GPBP1L1: variants seen among roughly 807,000 people sequenced by gnomAD.
GPBP1L1 encodes GC-rich promoter binding protein 1 like 1.
Under a neutral mutation model 52.5 loss-of-function variants are expected in GPBP1L1, and 23 were observed. That is an observed-to-expected ratio of 0.44 (90% CI 0.32 to 0.62). The LOEUF is 0.62. GPBP1L1 is among the 20% of genes least tolerant of loss of function. The probability of loss-of-function intolerance (pLI) is 0.06; values close to 1 mark genes in which losing one functional copy is unlikely to be tolerated. For missense variants in GPBP1L1, 596 were observed against 579.3 expected, an observed-to-expected ratio of 1.03 and a Z score of -0.30; for synonymous variants, 243 against 203.1, an observed-to-expected ratio of 1.20 and a Z score of -1.67.
At chr1:45,633,354 A>C (rs1451791851) in intron 10 of GPBP1L1, 135 bp downstream of exon 10, 1 of 830,712 alleles carries the variant, frequency 1.2e-6, no homozygotes. Context: ...GTGGTCTAGA[A>C]GGCAGTTACA....
chr1:45,629,207 C>G (rs1433665363), intron 12 of GPBP1L1, among the ~76,000 whole-genome samples: 1 of 152,128 alleles, frequency 6.6e-6, no homozygotes, highest in Non-Finnish European at 1.5e-5. Context: ...GGCCAGAGGA[C>G]CAGGAAACTA....
chr1:45,643,926 CA>C lies in GPBP1L1; in HGVS notation c.478-1428del, dbSNP rs537482869. 3.3e-3 allele frequency among the ~76,000 whole-genome samples: 495 copies of C among 152,190 alleles called. 1 individual carries two copies. The highest frequency in any genetic ancestry group is 0.011 in the African/African-American group (455 of 41,530). ...AAGTGATCCACTCACCTTGGCCTCC[CA>C]AAGTGCTGAGATTACAGGCATGAGC... On this transcript the variant is annotated intron_variant, in intron 6 of 12. Transcript: ENST00000355105.
intron 7 of GPBP1L1, among the ~76,000 whole-genome samples, chr1:45,640,808 G>A (rs1053386312): frequency 5.9e-5 from 9 of 152,058 alleles, no homozygotes; most frequent in African/African-American, 1.7e-4. Flanking sequence ...CCAAGAGTTC[G>A]AGACCAGCCT....
At chr1:45,659,284 T>C (rs950265482) in intron 3 of GPBP1L1, 142 bp from the exon 4 acceptor site, 8 of 561,470 alleles carry the variant, frequency 1.4e-5, no homozygotes, top group African/African-American at 1.3e-4. Flanking sequence ...CCAAGCCTTA[T>C]AACTCAGAGA....
At chr1:45,671,811 C>A (rs1269148302) in intron 2 of GPBP1L1, among the ~76,000 whole-genome samples, 2 of 151,358 alleles carry the variant, frequency 1.3e-5, no homozygotes, top group African/African-American at 4.9e-5. Context: ...GGTGACAGAG[C>A]GAGACTCTGT....
chr1:45,678,099 T>C (rs76183439), intron 2 of GPBP1L1, among the ~76,000 whole-genome samples: 2,644 of 152,174 alleles, frequency 0.017, 70 homozygotes, highest in African/African-American at 0.06. Context: ...ACATCCAGAA[T>C]AGGCAAATCC....
chr1:45,630,885 C>T (rs1302992729), intron 10 of GPBP1L1: 7 of 379,582 alleles, frequency 1.8e-5, no homozygotes, highest in Non-Finnish European at 3.0e-5. Flanking sequence ...ACCACAAAAG[C>T]TGGAGTAATT....
chr1:45,630,788 T>C (rs1644520627), intron 10 of GPBP1L1, 182 bp from the exon 11 acceptor site: 1 of 609,464 alleles, frequency 1.6e-6, no homozygotes, highest in Non-Finnish European at 2.8e-6. Flanking sequence ...ATTCTAAAGT[T>C]TTAATGAAAA....
At chr1:45,633,690 C>T in intron 9 of GPBP1L1, 43 bp from the exon 10 acceptor site, 1 of 1,599,160 alleles carries the variant, frequency 6.3e-7, no homozygotes, top group Non-Finnish European at 8.5e-7. Flanking sequence ...CAGCAAAGAG[C>T]AAGAACTGGG....
chr1:45,681,553 C>T (rs933658706), intron 2 of GPBP1L1, among the ~76,000 whole-genome samples: 11 of 152,180 alleles, frequency 7.2e-5, no homozygotes, highest in Non-Finnish European at 1.3e-4. Context: ...AAACACCCCT[C>T]CGTGTGCAAC....
At chr1:45,674,932 G>C (rs934449645) in intron 2 of GPBP1L1, among the ~76,000 whole-genome samples, 17 of 152,120 alleles carry the variant, frequency 1.1e-4, no homozygotes, top group African/African-American at 4.1e-4. Context: ...CCTTTCTCTT[G>C]TCAATGTAAT....
At chr1:45,631,923 A>C (rs988491306) in intron 10 of GPBP1L1, among the ~76,000 whole-genome samples, 5 of 152,138 alleles carry the variant, frequency 3.3e-5, no homozygotes, top group Non-Finnish European at 5.9e-5. Flanking sequence ...ACACTGTCTC[A>C]AAAACAAATA....
intron 6 of GPBP1L1, chr1:45,645,744 G>A: frequency 2.8e-6 from 1 of 350,944 alleles, no homozygotes; most frequent in African/African-American, 2.2e-5. Context: ...GAAAAGTCTT[G>A]GGAACGATAT....
At chr1:45,643,512 G>A (rs1387150849) in intron 6 of GPBP1L1, among the ~76,000 whole-genome samples, 1 of 152,050 alleles carries the variant, frequency 6.6e-6, no homozygotes, top group Non-Finnish European at 1.5e-5. Context: ...TAGTCCGGGA[G>A]GGTAATAAAG....
At chr1:45,629,727 T>A (rs1644505861) in intron 11 of GPBP1L1, 49 bp from the exon 12 acceptor site, 1 of 1,180,530 alleles carries the variant, frequency 8.5e-7, no homozygotes, top group Non-Finnish European at 1.3e-6. Flanking sequence ...TCACTAAGCC[T>A]AAGTGAACAG....
At chr1:45,645,601 T>C (rs941857963) in intron 6 of GPBP1L1, among the ~76,000 whole-genome samples, 8 of 152,200 alleles carry the variant, frequency 5.3e-5, no homozygotes, top group African/African-American at 1.9e-4. Flanking sequence ...CATATAACTA[T>C]CACATGCTAA....
intron 2 of GPBP1L1, among the ~76,000 whole-genome samples, chr1:45,679,577 T>C (rs1476141599): frequency 2.0e-5 from 3 of 151,918 alleles, no homozygotes; most frequent in Admixed American, 1.3e-4. Flanking sequence ...CCAATAAGAT[T>C]CACAAAAAAG....
chr1:45,642,631 C>T (rs1557700168), intron 6 of GPBP1L1, 132 bp from the exon 7 acceptor site: 10 of 672,164 alleles, frequency 1.5e-5, no homozygotes, highest in Non-Finnish European at 2.7e-5. Context: ...ACTAATTTGA[C>T]ACTGTATTCA....
chr1:45,629,553 T>C (rs747533755), intron 12 of GPBP1L1, 23 bp downstream of exon 12: 5 of 1,406,146 alleles, frequency 3.6e-6, no homozygotes, highest in Non-Finnish European at 5.0e-6. Context: ...AACTGGTCTC[T>C]AGGAAGAAGG....
Sources: allele counts gnomAD v4.1 joint callset (sites outside exome capture counted in the v4.1 genomes callset), GRCh38; gene constraint gnomAD v4.1.1; transcripts MANE v1.5; gene names NCBI Gene and HGNC (gene_info 2026-07-23, HGNC 2026-07-21).